Variants in TLL1 observed in about 807,000 individuals in gnomAD.
TLL1 encodes tolloid-like protein 1.
A neutral mutation model predicts 128.2 loss-of-function variants in TLL1; 49 were observed. That is an observed-to-expected ratio of 0.38 (90% confidence interval 0.30 to 0.48). The LOEUF is 0.48. Among genes scored for constraint, TLL1 ranks in the 20% least tolerant of loss-of-function variants. The pLI is 0.96. For missense variants in TLL1, 1,123 were observed against 1,242.0 expected (o/e 0.90, Z 1.44); for synonymous variants, 454 against 418.8 (o/e 1.08, Z -1.03).
chr4:166,082,431 T>C (rs1288604117), intron 18 of TLL1, among the ~76,000 whole-genome samples: 2 of 152,174 alleles, frequency 1.3e-5, no homozygotes, highest in African/African-American at 4.8e-5. Context: ...CCCGATTGAC[T>C]TTCTGCATGT....
chr4:165,874,030 G>A lies in TLL1; in HGVS notation c.126G>A (p.Glu42=), dbSNP rs1245783947. The A allele has an allele frequency of 4.3e-6, 7 of 1,614,050 alleles. No individual in the cohort carries two copies. The highest frequency in any genetic ancestry group is 5.1e-6 in the Non-Finnish European group (6 of 1,180,042). ...DYDYTFDGNE[E]DKTETIDYKD... is the part of the protein sequence containing the mutation. ...ATTACACTTTTGATGGGAACGAAGAGGATAAAACAGAGACTATAGATTACA... is the reference window on the plus strand; with the variant it reads ...ATTACACTTTTGATGGGAACGAAGAAGATAAAACAGAGACTATAGATTACA... Residue 42 remains glutamate (E), a synonymous_variant, in exon 1 of 21, where the codon GAG becomes GAA. Transcript: ENST00000061240.
intron 1 of TLL1, among the ~76,000 whole-genome samples, chr4:165,898,562 G>C (rs1362711911): frequency 6.6e-6 from 1 of 152,196 alleles, no homozygotes; most frequent in African/African-American, 2.4e-5. Context: ...AACCAGCCTT[G>C]CATCCCAGGG....
In TLL1 at chr4:166,042,038, G is replaced by A. The variant is rs1277860042; in HGVS notation, c.1273G>A (p.Gly425Arg). 1 of 1,609,694 alleles carries A rather than the reference G, an allele frequency of 6.2e-7. No homozygotes were observed. Among genetic ancestry groups the A allele is most frequent in the Non-Finnish European group, 8.5e-7 (1 of 1,176,694 alleles). ...RKSPLLGRFC[G>R]DKLPEVLTST... Reference sequence around the variant, plus strand: ...TTTATTTCTTTTAGGTAGATTCTGTGGGGACAAATTGCCTGAAGTTCTTAC... The same window carrying A: ...TTTATTTCTTTTAGGTAGATTCTGTAGGGACAAATTGCCTGAAGTTCTTAC... Residue 425 changes from glycine (G) to arginine (R), a missense_variant, in exon 11 of 21, where the codon GGG (glycine) becomes AGG (arginine). Physicochemically the swap from Gly to Arg is moderately radical, Grantham distance 125 (BLOSUM62 -2). Transcript: ENST00000061240.
chr4:166,085,717 G>A (rs1490155899), intron 18 of TLL1, among the ~76,000 whole-genome samples: 1 of 152,000 alleles, frequency 6.6e-6, no homozygotes, highest in Non-Finnish European at 1.5e-5. Flanking sequence ...ATGTTCATTA[G>A]TGATACTGGT....
intron 1 of TLL1, among the ~76,000 whole-genome samples, chr4:165,891,950 C>G (rs542804608): frequency 6.6e-6 from 1 of 152,178 alleles, no homozygotes; most frequent in African/African-American, 2.4e-5. Flanking sequence ...AAAGACAAAC[C>G]TGAGACTGGG....
intron 12 of TLL1, among the ~76,000 whole-genome samples, chr4:166,048,323 C>A (rs1739558430): frequency 6.6e-6 from 1 of 151,726 alleles, no homozygotes; most frequent in South Asian, 2.1e-4. Flanking sequence ...AGGGCCCTCA[C>A]CAGACACTGA....
chr4:166,099,464 T>C lies in TLL1; in HGVS notation c.2844T>C (p.Tyr948=), dbSNP rs757195542. Residue 948 remains tyrosine, a synonymous_variant, in exon 20 of 21, where the codon TAT becomes TAC. Coordinates refer to ENST00000061240, the MANE Select transcript of TLL1 (RefSeq NM_012464.5). ...VEEEADCGYD[Y]VELFDGLDST... is the part of the protein sequence containing the mutation. ...AAGAAGCAGACTGTGGCTATGACTA[T>C]GTGGAGCTCTTTGATGGTCTTGATT... is the stretch of plus-strand genomic sequence containing the variant. 6.2e-7 allele frequency: 1 copy of C among 1,613,520 alleles called. No individual in the cohort carries two copies. The highest frequency in any genetic ancestry group is 8.5e-7 in the Non-Finnish European group (1 of 1,179,630).
intron 18 of TLL1, among the ~76,000 whole-genome samples, chr4:166,086,524 G>T (rs188147085): frequency 6.6e-6 from 1 of 152,158 alleles, no homozygotes; most frequent in Admixed American, 6.5e-5. Context: ...GATGTGGAGG[G>T]CTAAAAGGCT....
At chr4:166,071,865 T>C (rs1224871597) in intron 16 of TLL1, among the ~76,000 whole-genome samples, 1 of 152,010 alleles carries the variant, frequency 6.6e-6, no homozygotes, top group East Asian at 1.9e-4. Flanking sequence ...TAGAATAGTC[T>C]ATTAACTCCC....
rs1476232454 is a variant in TLL1 at position 166,091,377 on chromosome 4, T to C, written c.2656+36T>C. 3 of 1,584,920 alleles carry C rather than the reference T, an allele frequency of 1.9e-6. No homozygotes were observed. In the Admixed American group the frequency reaches 5.0e-5, roughly 27 times the overall value. ...TCAAGTCATGCTTCTCTTTTTTGAC[T>C]GAGATCCAGGTTTTTCTTCTGGTGA... On this transcript the variant is annotated intron_variant, in intron 19 of 20. Transcript: ENST00000061240.
At chr4:166,082,200 G>T (rs371289699) in intron 18 of TLL1, among the ~76,000 whole-genome samples, 2 of 152,050 alleles carry the variant, frequency 1.3e-5, no homozygotes, top group East Asian at 1.9e-4. Context: ...GTGAAAAGAC[G>T]CATTGCTGCC....
chr4:165,930,842 A>C (rs1733481330), intron 1 of TLL1, among the ~76,000 whole-genome samples: 1 of 152,214 alleles, frequency 6.6e-6, no homozygotes, highest in Non-Finnish European at 1.5e-5. Context: ...CACTTCTTGT[A>C]ATTTATAAGC....
At chr4:166,009,339 G>A (rs1264146924) in intron 7 of TLL1, among the ~76,000 whole-genome samples, 1 of 151,282 alleles carries the variant, frequency 6.6e-6, no homozygotes, top group African/African-American at 2.4e-5. Context: ...CCTGAGTTTT[G>A]GTTCCTTGGA....
chr4:166,054,959 A>C, intron 12 of TLL1, 117 bp from the exon 13 acceptor site: 1 of 779,568 alleles, frequency 1.3e-6, no homozygotes, highest in Non-Finnish European at 2.0e-6. Context: ...CACTCATTTG[A>C]TACAAATAAC....
intron 1 of TLL1, among the ~76,000 whole-genome samples, chr4:165,931,758 T>G (rs1006052639): frequency 3.3e-5 from 5 of 150,220 alleles, no homozygotes; most frequent in African/African-American, 9.8e-5. Flanking sequence ...TAACTTCAGA[T>G]ACTGCACGGG....
At chr4:165,971,980 G>T (rs1251720543) in intron 1 of TLL1, among the ~76,000 whole-genome samples, 1 of 152,070 alleles carries the variant, frequency 6.6e-6, no homozygotes, top group African/African-American at 2.4e-5. Flanking sequence ...CCAGCTTTGT[G>T]TAGCCTACGT....
At chr4:166,069,737 A>G (rs1740726043) in intron 16 of TLL1, among the ~76,000 whole-genome samples, 1 of 151,780 alleles carries the variant, frequency 6.6e-6, no homozygotes, top group Non-Finnish European at 1.5e-5. Flanking sequence ...AATTCACATC[A>G]GTTCCATGCT....
chr4:166,065,741 A>G lies in TLL1; in HGVS notation c.2066A>G (p.His689Arg), dbSNP rs1241827441. ...GGTCTTTCCTCTGAGTCTAAACTGC[A>G]TGGCAAATTCTGTGGCGCTGAAGTG... ...WSGLSSESKL[H>R]GKFCGAEVPE... is the part of the protein sequence containing the mutation. Residue 689 changes from histidine (H) to arginine (R), a missense_variant, in exon 16 of 21, where the codon CAT (histidine) becomes CGT (arginine). By Grantham distance (29) the His-to-Arg change is conservative. Coordinates refer to ENST00000061240, the MANE Select transcript of TLL1 (RefSeq NM_012464.5). 3.1e-6 allele frequency: 5 copies of G among 1,613,218 alleles called. No homozygotes were observed. Among genetic ancestry groups the G allele is most frequent in the South Asian group, 1.1e-5 (1 of 91,068 alleles).
chr4:166,098,748 T>C (rs1742144575), intron 19 of TLL1, among the ~76,000 whole-genome samples: 1 of 151,846 alleles, frequency 6.6e-6, no homozygotes, highest in Non-Finnish European at 1.5e-5. Flanking sequence ...CGCAGAGGAG[T>C]TTTATATCTA....
Sources: allele counts gnomAD v4.1 joint callset (sites outside exome capture counted in the v4.1 genomes callset), GRCh38; gene constraint gnomAD v4.1.1; transcripts MANE v1.5; gene names NCBI Gene and HGNC (gene_info 2026-07-23, HGNC 2026-07-21).